NFIA: variants seen among roughly 807,000 people sequenced by gnomAD.
NFIA encodes the protein nuclear factor 1 A-type.
NFIA carries 8 observed loss-of-function variants against 62.8 expected under a neutral mutation model. The observed-to-expected ratio is 0.13, with a 90% confidence interval of 0.07 to 0.23. The LOEUF (loss-of-function observed/expected upper bound fraction) is 0.23, where lower values mean the gene tolerates loss of function less well. Ranked by LOEUF, NFIA falls within the 10% of genes least tolerant of loss-of-function variation. The probability of loss-of-function intolerance (pLI) is 1.00; values close to 1 mark genes in which losing one functional copy is unlikely to be tolerated. For synonymous variants in NFIA, 235 were observed against 238.1 expected (o/e 0.99, Z 0.12); for missense variants, 410 against 642.1 (o/e 0.64, Z 3.91).
rs1187696950 is a variant in NFIA at position 61,459,285 on chromosome 1, GTTTT to G, written c.*3968_*3971del. On this transcript the variant is annotated 3_prime_UTR_variant, in exon 11 of 11. Transcript: ENST00000403491. ...GTGTTTTTTGTTTGTTTGTTTGTTT[GTTTT>G]TTCTTTGGGAACTGAAGTCAGAGGC... The G allele has an allele frequency of 1.3e-5, 2 of 152,306 alleles. No homozygotes were observed. Among genetic ancestry groups the G allele is most frequent in the Non-Finnish European group, 2.9e-5 (2 of 68,186 alleles). The allele number at this position is 152,306 out of a possible 1,614,324, so 9.4% of individuals were successfully genotyped here.
At chr1:61,102,040 G>C (rs185580712) in intron 2 of NFIA, among the ~76,000 whole-genome samples, 2 of 152,090 alleles carry the variant, frequency 1.3e-5, no homozygotes, top group African/African-American at 2.4e-5. Flanking sequence ...TCATTAATAC[G>C]TGTGCTTTTC....
chr1:61,394,286 ACCTCAGCCT>A lies in NFIA; in HGVS notation c.1076-9814_1076-9806del, dbSNP rs1665157241. 2.6e-5 allele frequency among the ~76,000 whole-genome samples: 4 copies of A among 151,952 alleles called. No homozygotes were observed. The South Asian group carries it at 8.3e-4, about 32-fold the overall frequency. On this transcript the variant is annotated intron_variant, in intron 7 of 10. Coordinates refer to ENST00000403491, the MANE Select transcript of NFIA (RefSeq NM_001134673.4). ...CCTTCCATGTTCAAGCAATTCTCCT[ACCTCAGCCT>A]CCTGAGTGTCTGGGACTACAGGTAC... is the stretch of plus-strand genomic sequence containing the variant.
At chr1:61,207,533 C>A (rs533621030) in intron 2 of NFIA, among the ~76,000 whole-genome samples, 1 of 152,132 alleles carries the variant, frequency 6.6e-6, no homozygotes, top group Non-Finnish European at 1.5e-5. Context: ...GGGATACTCA[C>A]GAGACATCTA....
chr1:61,279,358 T>C (rs1311358564), intron 3 of NFIA, among the ~76,000 whole-genome samples: 4 of 151,784 alleles, frequency 2.6e-5, no homozygotes, highest in Non-Finnish European at 4.4e-5. Context: ...GGTATTTTGG[T>C]GATATTTTCT....
At chr1:61,255,690 G>C (rs1227869528) in intron 2 of NFIA, among the ~76,000 whole-genome samples, 1 of 152,136 alleles carries the variant, frequency 6.6e-6, no homozygotes, top group Non-Finnish European at 1.5e-5. Flanking sequence ...GTTTGGTTTT[G>C]GTGGGAAGTT....
intron 5 of NFIA, among the ~76,000 whole-genome samples, chr1:61,358,844 C>T (rs1663125945): frequency 1.3e-4 from 1 of 7,412 alleles, no homozygotes; most frequent in Admixed American, 1.4e-3. Context: ...CCAACACTTC[C>T]AGGTGGAGGC....
intron 10 of NFIA, among the ~76,000 whole-genome samples, chr1:61,442,217 G>A (rs886898593): frequency 6.6e-6 from 1 of 152,072 alleles, no homozygotes; most frequent in Non-Finnish European, 1.5e-5. Flanking sequence ...TGCCAGATTC[G>A]CTTCCAGGAA....
chr1:61,341,060 CTTTTTTT>C (rs35203949), intron 4 of NFIA, among the ~76,000 whole-genome samples: 1 of 108,790 alleles, frequency 9.2e-6, no homozygotes, highest in Non-Finnish European at 1.8e-5. Flanking sequence ...TACCGGCATT[CTTTTTTT>C]TTTTTTTTTT....
intron 2 of NFIA, among the ~76,000 whole-genome samples, chr1:61,170,018 T>C (rs1464721777): frequency 2.0e-5 from 3 of 152,214 alleles, no homozygotes; most frequent in Non-Finnish European, 4.4e-5. Flanking sequence ...ACCCCTACCA[T>C]GTAGTCGTTG....
At chr1:61,117,910 G>T (rs114365720) in intron 2 of NFIA, among the ~76,000 whole-genome samples, 5 of 152,084 alleles carry the variant, frequency 3.3e-5, no homozygotes. Context: ...CTGGCCGGGC[G>T]TGGTGGCTCA....
intron 4 of NFIA, among the ~76,000 whole-genome samples, chr1:61,339,194 A>C (rs1379152971): frequency 6.6e-6 from 1 of 152,228 alleles, no homozygotes; most frequent in Non-Finnish European, 1.5e-5. Context: ...GATGGTCAAT[A>C]GCAGGCTCTA....
At chr1:61,437,245 T>C (rs1389316170) in intron 10 of NFIA, among the ~76,000 whole-genome samples, 1 of 152,202 alleles carries the variant, frequency 6.6e-6, no homozygotes, top group Non-Finnish European at 1.5e-5. Flanking sequence ...GCAGTCTTCC[T>C]TCCATTGGTC....
At chr1:61,109,617 A>G (rs534603442) in intron 2 of NFIA, among the ~76,000 whole-genome samples, 1 of 151,988 alleles carries the variant, frequency 6.6e-6, no homozygotes, top group South Asian at 2.1e-4. Flanking sequence ...TTTTCTGTTT[A>G]TCGGTTTTAT....
At chr1:61,111,650 GTTCT>G in intron 2 of NFIA, among the ~76,000 whole-genome samples, 1 of 149,358 alleles carries the variant, frequency 6.7e-6, no homozygotes, top group East Asian at 2.0e-4. Context: ...TGGTGTAGAT[GTTCT>G]TTGTCAACCC....
upstream of NFIA, chr1:61,077,474 A>C: frequency 1.7e-6 from 1 of 587,200 alleles, no homozygotes. Flanking sequence ...AGAAGCCTGC[A>C]ATTGGCCAAC....
intron 6 of NFIA, among the ~76,000 whole-genome samples, chr1:61,372,864 T>C (rs1387914116): frequency 6.6e-6 from 1 of 152,142 alleles, no homozygotes; most frequent in East Asian, 1.9e-4. Flanking sequence ...AAGGCACAAC[T>C]CTTTCAGAGA....
chr1:61,201,777 C>T (rs976378222), intron 2 of NFIA, among the ~76,000 whole-genome samples: 7 of 152,076 alleles, frequency 4.6e-5, no homozygotes, highest in Admixed American at 1.3e-4. Context: ...AGTTTCCATA[C>T]AAAGTATTTC....
intron 3 of NFIA, among the ~76,000 whole-genome samples, chr1:61,302,452 G>A (rs953575355): frequency 2.6e-5 from 4 of 152,168 alleles, no homozygotes; most frequent in African/African-American, 4.8e-5. Context: ...CAGCAATGAC[G>A]AGTAAAAGCT....
intron 2 of NFIA, among the ~76,000 whole-genome samples, chr1:61,253,835 T>C (rs1025166047): frequency 6.6e-6 from 1 of 150,946 alleles, no homozygotes; most frequent in Non-Finnish European, 1.5e-5. Context: ...TGTTTGACAC[T>C]AAAAAAAAAT....
Sources: gnomAD v4.1 joint callset for allele counts (sites outside exome capture counted in the v4.1 genomes callset) on GRCh38, gnomAD v4.1.1 for gene constraint, MANE v1.5 for transcripts, NCBI Gene and HGNC (gene_info 2026-07-23, HGNC 2026-07-21) for gene names.